Variants in GALNTL6 observed in about 807,000 individuals in gnomAD.
The protein encoded by GALNTL6 is polypeptide N-acetylgalactosaminyltransferase-like 6.
A neutral mutation model predicts 73.7 loss-of-function variants in GALNTL6; 46 were observed. The ratio of observed to expected loss-of-function variants is 0.62; its 90% CI spans 0.49 to 0.80. GALNTL6 has a LOEUF of 0.80. Ranked by LOEUF, GALNTL6 falls within the 30% of genes least tolerant of loss-of-function variation. GALNTL6 has a pLI of 0.00. For missense variants in GALNTL6, 604 were observed against 755.0 expected (o/e 0.80, Z 2.34); for synonymous variants, 259 against 263.7 (o/e 0.98, Z 0.17).
chr4:172,412,811 T>C (rs1744494223), intron 5 of GALNTL6, among the ~76,000 whole-genome samples: 1 of 152,162 alleles, frequency 6.6e-6, no homozygotes, highest in Admixed American at 6.6e-5. Flanking sequence ...TCCAGCCTCA[T>C]AGTCTTAACA....
intron 5 of GALNTL6, among the ~76,000 whole-genome samples, chr4:172,440,659 G>A (rs564295975): frequency 5.9e-5 from 9 of 152,242 alleles, no homozygotes; most frequent in South Asian, 2.1e-4. Context: ...CAGTTAAAAC[G>A]AATGTACCAC....
At chr4:172,677,737 G>A (rs908754286) in intron 5 of GALNTL6, among the ~76,000 whole-genome samples, 11 of 151,894 alleles carry the variant, frequency 7.2e-5, no homozygotes, top group African/African-American at 2.2e-4. Context: ...AGCCTAGATA[G>A]CAGAGTGAGA....
intron 2 of GALNTL6, among the ~76,000 whole-genome samples, chr4:172,065,564 A>C (rs892670067): frequency 6.6e-6 from 1 of 152,186 alleles, no homozygotes; most frequent in Non-Finnish European, 1.5e-5. Context: ...CTTTGAAAAA[A>C]AAAGACTAAT....
intron 7 of GALNTL6, among the ~76,000 whole-genome samples, chr4:172,840,601 G>A (rs943704737): frequency 6.6e-6 from 1 of 152,134 alleles, no homozygotes; most frequent in African/African-American, 2.4e-5. Flanking sequence ...TAGATACTTG[G>A]GAGGCAAAGA....
At chr4:172,208,743 T>A (rs1168473047) in intron 2 of GALNTL6, among the ~76,000 whole-genome samples, 1 of 152,148 alleles carries the variant, frequency 6.6e-6, no homozygotes, top group Non-Finnish European at 1.5e-5. Flanking sequence ...AGATTGCATT[T>A]TCCTGGTTTG....
chr4:172,376,940 T>C (rs1361452163), intron 5 of GALNTL6, among the ~76,000 whole-genome samples: 1 of 152,036 alleles, frequency 6.6e-6, no homozygotes, highest in Non-Finnish European at 1.5e-5. Flanking sequence ...GCTTCAGGAG[T>C]GAAGCTGGAG....
chr4:172,657,766 T>G (rs1731118135), intron 5 of GALNTL6, among the ~76,000 whole-genome samples: 1 of 151,638 alleles, frequency 6.6e-6, no homozygotes, highest in Admixed American at 6.6e-5. Flanking sequence ...GAAAAGTGAC[T>G]GATTAATTTC....
chr4:172,767,345 C>A (rs1176626955), intron 5 of GALNTL6, among the ~76,000 whole-genome samples: 1 of 152,180 alleles, frequency 6.6e-6, no homozygotes, highest in Non-Finnish European at 1.5e-5. Context: ...CCAATGTATA[C>A]AATGAAGAAG....
rs1034283261 is a variant in GALNTL6, at chr4:173,013,579, A to G, written c.1488+4285A>G. On this transcript the variant is annotated intron_variant, in intron 11 of 12. Transcript: ENST00000506823. ...CACGTCCCCCAACTCCCCACCTCCCACCCCCAGGCTAAAATGCAAAAATCT... is the reference window on the plus strand; with the variant it reads ...CACGTCCCCCAACTCCCCACCTCCCGCCCCCAGGCTAAAATGCAAAAATCT... Among the ~76,000 whole-genome samples the G allele has an allele frequency of 9.5e-3, 303 of 31,838 alleles. 1 individual carries two copies. Among genetic ancestry groups the G allele is most frequent in the African/African-American group, 0.036 (289 of 8,090 alleles). 20.9% of individuals were successfully genotyped at this position (31,838 alleles called of 152,430 possible).
chr4:172,011,008 C>T (rs1381402768), intron 2 of GALNTL6, among the ~76,000 whole-genome samples: 1 of 151,896 alleles, frequency 6.6e-6, no homozygotes, highest in Non-Finnish European at 1.5e-5. Flanking sequence ...CCAGAGCCTG[C>T]CATTTAGTAA....
chr4:172,303,936 G>C (rs879309249), intron 3 of GALNTL6, among the ~76,000 whole-genome samples: 19 of 152,070 alleles, frequency 1.2e-4, no homozygotes, highest in Non-Finnish European at 2.8e-4. Context: ...ATAATACAAA[G>C]TGCATTAATT....
At chr4:172,647,055 C>G (rs1169556140) in intron 5 of GALNTL6, among the ~76,000 whole-genome samples, 1 of 152,006 alleles carries the variant, frequency 6.6e-6, no homozygotes, top group Non-Finnish European at 1.5e-5. Context: ...TATAAACCCA[C>G]CCTGTAGAGG....
chr4:171,982,117 T>G (rs1739914331), intron 2 of GALNTL6, among the ~76,000 whole-genome samples: 1 of 152,142 alleles, frequency 6.6e-6, no homozygotes, highest in Non-Finnish European at 1.5e-5. Flanking sequence ...GTATACATGT[T>G]CTCATTTTAA....
At chr4:171,855,913 T>C (rs1299091658) in intron 2 of GALNTL6, among the ~76,000 whole-genome samples, 1 of 152,226 alleles carries the variant, frequency 6.6e-6, no homozygotes, top group Non-Finnish European at 1.5e-5. Context: ...GTTCTTTGAT[T>C]AGGAATCTGT....
intron 7 of GALNTL6, among the ~76,000 whole-genome samples, chr4:172,876,212 A>G (rs1009904372): frequency 6.6e-6 from 1 of 152,214 alleles, no homozygotes; most frequent in Non-Finnish European, 1.5e-5. Context: ...TTTAAACCAT[A>G]ACAGTATTAT....
chr4:172,193,406 A>G (rs912149335), intron 2 of GALNTL6, among the ~76,000 whole-genome samples: 7 of 152,170 alleles, frequency 4.6e-5, no homozygotes, highest in Admixed American at 3.9e-4. Context: ...TCTGGAGTGG[A>G]ACCCCAGCAA....
chr4:172,025,637 G>T (rs569987150), intron 2 of GALNTL6, among the ~76,000 whole-genome samples: 1 of 152,074 alleles, frequency 6.6e-6, no homozygotes, highest in East Asian at 1.9e-4. Context: ...TTGGTTTTCA[G>T]TTACTGTCAG....
chr4:171,920,675 A>C (rs1156276248), intron 2 of GALNTL6, among the ~76,000 whole-genome samples: 2 of 152,152 alleles, frequency 1.3e-5, no homozygotes, highest in Non-Finnish European at 2.9e-5. Flanking sequence ...AACAAATAGA[A>C]ATCAATGTAT....
chr4:172,720,424 G>C (rs773975674), intron 5 of GALNTL6, among the ~76,000 whole-genome samples: 9 of 152,140 alleles, frequency 5.9e-5, no homozygotes, highest in South Asian at 2.1e-4. Flanking sequence ...CAAACATCCT[G>C]AACTTCCCGA....
Sources: allele counts gnomAD v4.1 joint callset (sites outside exome capture counted in the v4.1 genomes callset), GRCh38; gene constraint gnomAD v4.1.1; transcripts MANE v1.5; gene names NCBI Gene and HGNC (gene_info 2026-07-23, HGNC 2026-07-21).